The following SNX29 variants were observed in gnomAD, a reference collection of about 807,000 sequenced individuals.
SNX29 encodes the protein sorting nexin 29, also known as sorting nexin-29.
SNX29 carries 78 observed loss-of-function variants against 102.1 expected under a neutral mutation model. The ratio of observed to expected loss-of-function variants is 0.76; its 90% CI spans 0.64 to 0.92. SNX29 has a LOEUF of 0.92. Among genes scored for constraint, SNX29 ranks in the 40% least tolerant of loss-of-function variants. The pLI is 0.00. For missense variants in SNX29, 1,280 were observed against 1,061.7 expected (o/e 1.21, Z -2.86); for synonymous variants, 580 against 414.5 (o/e 1.40, Z -4.85).
intron 13 of SNX29, among the ~76,000 whole-genome samples, chr16:12,198,133 A>T (rs2141955894): frequency 6.6e-6 from 1 of 152,200 alleles, no homozygotes; most frequent in South Asian, 2.1e-4. Flanking sequence ...AGAGACTCTG[A>T]GTGTTTTGGG....
chr16:12,308,114 A>C (rs964328148), intron 15 of SNX29, among the ~76,000 whole-genome samples: 5 of 152,242 alleles, frequency 3.3e-5, no homozygotes, highest in African/African-American at 1.2e-4. Context: ...GCGAGGGCTC[A>C]CTGCTGAAGG....
At chr16:12,134,428 C>T (rs1456949926) in intron 13 of SNX29, among the ~76,000 whole-genome samples, 4 of 152,204 alleles carry the variant, frequency 2.6e-5, no homozygotes, top group Non-Finnish European at 5.9e-5. Flanking sequence ...TTGCTGTCAT[C>T]TGAAGGCTTG....
intron 14 of SNX29, among the ~76,000 whole-genome samples, chr16:12,234,047 A>G (rs771682721): frequency 1.1e-4 from 16 of 152,178 alleles, no homozygotes; most frequent in Non-Finnish European, 2.1e-4. Flanking sequence ...GTGATAAATA[A>G]TGTTGCAATG....
At chr16:12,436,586 G>T (rs1358815706) in intron 18 of SNX29, among the ~76,000 whole-genome samples, 1 of 152,242 alleles carries the variant, frequency 6.6e-6, no homozygotes, top group Non-Finnish European at 1.5e-5. Context: ...CTCCCCTGGT[G>T]CCTGGAAGGA....
At chr16:12,261,405 G>GT (rs1197732758) in intron 14 of SNX29, among the ~76,000 whole-genome samples, 1 of 140,408 alleles carries the variant, frequency 7.1e-6, no homozygotes, top group African/African-American at 2.7e-5. Context: ...CCCGGCTGGA[G>GT]TAAGTGTTTG....
At chr16:12,219,952 G>A (rs1041854230) in intron 14 of SNX29, among the ~76,000 whole-genome samples, 3 of 152,048 alleles carry the variant, frequency 2.0e-5, no homozygotes, top group Non-Finnish European at 4.4e-5. Context: ...GCACGTGCAC[G>A]CACACACACC....
intron 18 of SNX29, among the ~76,000 whole-genome samples, chr16:12,447,467 C>T (rs1379840064): frequency 6.6e-6 from 1 of 152,184 alleles, no homozygotes; most frequent in African/African-American, 2.4e-5. Flanking sequence ...TCAATTTTCA[C>T]CTTTCTAAAC....
chr16:12,092,717 A>G (rs1359428377), intron 11 of SNX29, among the ~76,000 whole-genome samples: 1 of 152,192 alleles, frequency 6.6e-6, no homozygotes, highest in African/African-American at 2.4e-5. Flanking sequence ...AGGAGCCAGA[A>G]TATCCACATT....
intron 16 of SNX29, among the ~76,000 whole-genome samples, chr16:12,380,758 C>CAATTT (rs2083075741): frequency 8.7e-6 from 1 of 114,550 alleles, no homozygotes; most frequent in Non-Finnish European, 2.0e-5. Context: ...CACCATCCAT[C>CAATTT]CACCCACCCA....
chr16:12,371,906 C>T (rs991280674), intron 16 of SNX29, among the ~76,000 whole-genome samples: 1 of 152,022 alleles, frequency 6.6e-6, no homozygotes, highest in African/African-American at 2.4e-5. Context: ...TCCTCCTGTT[C>T]CTTCTACTTC....
intron 20 of SNX29, among the ~76,000 whole-genome samples, chr16:12,541,653 C>T (rs1405986560): frequency 6.6e-6 from 1 of 152,188 alleles, no homozygotes; most frequent in South Asian, 2.1e-4. Flanking sequence ...TCAGCCAGCT[C>T]CTAATGCAGC....
intron 16 of SNX29, among the ~76,000 whole-genome samples, chr16:12,365,391 A>T (rs893376459): frequency 2.7e-5 from 4 of 147,038 alleles, no homozygotes; most frequent in Non-Finnish European, 6.0e-5. Context: ...CATGGTGTTT[A>T]TGTCAGGCTC....
rs185023264 is a variant in SNX29, at chr16:12,390,283, C to T, written c.1900-8163C>T. ...GTGACTGAAGTGTGAGCTGGACCAGCCTCTCTCTTGCTTAAATCCCTCATA... is the reference window on the plus strand; with the variant it reads ...GTGACTGAAGTGTGAGCTGGACCAGTCTCTCTCTTGCTTAAATCCCTCATA... On this transcript the variant is annotated intron_variant, in intron 16 of 20. Coordinates refer to ENST00000566228, the MANE Select transcript of SNX29 (RefSeq NM_032167.5). 2.5e-4 allele frequency among the ~76,000 whole-genome samples: 38 copies of T among 152,130 alleles called. No homozygotes were observed. In the East Asian group the frequency reaches 6.2e-3, roughly 25 times the overall value.
Position 12,053,966 on chromosome 16 carries a change from A to T in SNX29, c.1124+1744A>T, listed in dbSNP as rs1330172938. On this transcript the variant is annotated intron_variant, in intron 8 of 20. Transcript: ENST00000566228. ...GCTGTAATCCAAAGCTTATATTGTCAGTTTTTGTTTTTTTTTTTTGAGACA... is the reference window on the plus strand; with the variant it reads ...GCTGTAATCCAAAGCTTATATTGTCTGTTTTTGTTTTTTTTTTTTGAGACA... Among the ~76,000 whole-genome samples the T allele has an allele frequency of 2.7e-5, 4 of 148,866 alleles. No individual in the cohort carries two copies. The South Asian group carries it at 6.3e-4, about 23-fold the overall frequency.
intron 19 of SNX29, among the ~76,000 whole-genome samples, chr16:12,491,191 T>G (rs899624575): frequency 6.6e-6 from 1 of 152,274 alleles, no homozygotes; most frequent in Non-Finnish European, 1.5e-5. Flanking sequence ...TTAGGTCGTT[T>G]GCAATTTTTC....
intron 18 of SNX29, among the ~76,000 whole-genome samples, chr16:12,470,340 C>T (rs1567596930): frequency 6.6e-6 from 1 of 152,296 alleles, no homozygotes; most frequent in Admixed American, 6.5e-5. Context: ...TTTCTGAGTT[C>T]TCACCGCCTT....
At chr16:12,557,290 G>C (rs1015326616) in intron 20 of SNX29, 2 of 152,218 alleles carry the variant, frequency 1.3e-5, no homozygotes, top group Non-Finnish European at 2.9e-5. Flanking sequence ...AGAGACCTGG[G>C]ACCCTGTACA....
At chr16:12,357,410 C>G (rs2082166522) in intron 16 of SNX29, among the ~76,000 whole-genome samples, 1 of 152,242 alleles carries the variant, frequency 6.6e-6, no homozygotes, top group African/African-American at 2.4e-5. Flanking sequence ...AGTCAGTGTT[C>G]AAATTTCCAA....
At position 12,057,800 on chromosome 16, in the gene SNX29, CAT is replaced by C. The variant is rs1217254395; in HGVS notation, c.1125-3715_1125-3714del. Among the ~76,000 whole-genome samples the C allele has an allele frequency of 3.5e-3, 508 of 146,620 alleles. 6 individuals are homozygous for C. The highest frequency in any genetic ancestry group is 0.012 in the African/African-American group (481 of 39,708). Reference sequence around the variant, plus strand: ...ATGAGTACATATATACATACATATACATATATATATATATTTTATATATATAT... The same window carrying C: ...ATGAGTACATATATACATACATATACATATATATATATTTTATATATATAT... On this transcript the variant is annotated intron_variant, in intron 8 of 20. Transcript: ENST00000566228.
Sources: gnomAD v4.1 joint callset for allele counts (sites outside exome capture counted in the v4.1 genomes callset) on GRCh38, gnomAD v4.1.1 for gene constraint, MANE v1.5 for transcripts, NCBI Gene and HGNC (gene_info 2026-07-23, HGNC 2026-07-21) for gene names.